DCC: variants seen among roughly 807,000 people sequenced by gnomAD.
DCC encodes the protein netrin receptor DCC.
In DCC, 58 loss-of-function variants were observed where a neutral mutation model predicts 172.5. The ratio of observed to expected loss-of-function variants is 0.34; its 90% CI spans 0.27 to 0.42. The LOEUF is 0.42. DCC is among the 10% of genes least tolerant of loss of function. The probability of loss-of-function intolerance (pLI) is 1.00; values close to 1 mark genes in which losing one functional copy is unlikely to be tolerated. For missense variants in DCC, 1,740 were observed against 1,791.0 expected (o/e 0.97, Z 0.51); for synonymous variants, 709 against 644.5 (o/e 1.10, Z -1.52).
intron 23 of DCC, among the ~76,000 whole-genome samples, chr18:53,458,456 T>C (rs1245131435): frequency 6.6e-6 from 1 of 152,202 alleles, no homozygotes; most frequent in Non-Finnish European, 1.5e-5. Context: ...CCCCCTGCTG[T>C]AGAGAATGAC....
intron 12 of DCC, among the ~76,000 whole-genome samples, chr18:53,265,844 C>G (rs1026145429): frequency 1.3e-5 from 2 of 152,062 alleles, no homozygotes; most frequent in Non-Finnish European, 2.9e-5. Flanking sequence ...GCTACTATCC[C>G]CTGAAGTTTA....
At chr18:52,446,079 C>T (rs1453334401) in intron 1 of DCC, among the ~76,000 whole-genome samples, 1 of 152,116 alleles carries the variant, frequency 6.6e-6, no homozygotes, top group Non-Finnish European at 1.5e-5. Flanking sequence ...ACTACAGGCG[C>T]CCGCCACCGC....
intron 1 of DCC, among the ~76,000 whole-genome samples, chr18:52,664,128 A>G (rs1048596500): frequency 6.6e-6 from 1 of 152,222 alleles, no homozygotes; most frequent in African/African-American, 2.4e-5. Flanking sequence ...GACATTTACT[A>G]TGGACATGTA....
At chr18:52,432,636 T>C (rs1028521211) in intron 1 of DCC, among the ~76,000 whole-genome samples, 4 of 152,200 alleles carry the variant, frequency 2.6e-5, no homozygotes, top group Non-Finnish European at 4.4e-5. Flanking sequence ...TTTGCATAAA[T>C]GGTTCTTTAA....
intron 2 of DCC, among the ~76,000 whole-genome samples, chr18:52,789,965 A>G (rs1035048500): frequency 1.3e-5 from 2 of 152,184 alleles, no homozygotes; most frequent in South Asian, 4.2e-4. Flanking sequence ...CAAAATTTTG[A>G]CCCTCCCTTA....
chr18:53,206,333 ATATAT>A, intron 10 of DCC, among the ~76,000 whole-genome samples: 1 of 52,354 alleles, frequency 1.9e-5, no homozygotes, highest in East Asian at 3.7e-4. Flanking sequence ...ATTGTAACAC[ATATAT>A]GTATATATGT....
chr18:52,526,771 AT>A (rs1287677902), intron 1 of DCC, among the ~76,000 whole-genome samples: 13 of 152,128 alleles, frequency 8.5e-5, no homozygotes, highest in African/African-American at 3.1e-4. Flanking sequence ...AAGTTGATAG[AT>A]TTTCTGCCTG....
intron 22 of DCC, among the ~76,000 whole-genome samples, chr18:53,445,823 T>G (rs1568136622): frequency 6.6e-6 from 1 of 152,030 alleles, no homozygotes; most frequent in Non-Finnish European, 1.5e-5. Context: ...GTAAAAAATG[T>G]GACACCCTTA....
chr18:53,057,853 T>A lies in DCC; in HGVS notation c.986-5452T>A, dbSNP rs185410071. Among the ~76,000 whole-genome samples, 15 of 152,166 alleles carry A rather than the reference T, an allele frequency of 9.9e-5. No individual in the cohort carries two copies. In the East Asian group the frequency reaches 2.9e-3, roughly 29 times the overall value. On this transcript the variant is annotated intron_variant, in intron 5 of 28. Coordinates refer to ENST00000442544, the MANE Select transcript of DCC (RefSeq NM_005215.4). ...ATTTAAAAAACAAACAAACATATGC[T>A]TCAGGCTCCATCTTTAAGAACCTTA... is the stretch of plus-strand genomic sequence containing the variant.
At chr18:53,500,463 AACTT>A (rs1177844955) in intron 27 of DCC, among the ~76,000 whole-genome samples, 1 of 152,142 alleles carries the variant, frequency 6.6e-6, no homozygotes, top group Non-Finnish European at 1.5e-5. Flanking sequence ...ACATTTGACT[AACTT>A]TTCTGTTACT....
At chr18:52,346,032 GA>G (rs1343611887) in intron 1 of DCC, among the ~76,000 whole-genome samples, 1 of 152,134 alleles carries the variant, frequency 6.6e-6, no homozygotes, top group Non-Finnish European at 1.5e-5. Context: ...CTTTTCAGAG[GA>G]AAAAACATTT....
intron 2 of DCC, among the ~76,000 whole-genome samples, chr18:52,852,258 C>T (rs1216209125): frequency 6.6e-6 from 1 of 152,070 alleles, no homozygotes; most frequent in Non-Finnish European, 1.5e-5. Flanking sequence ...AATATACTCT[C>T]TAGCTATCAT....
intron 23 of DCC, among the ~76,000 whole-genome samples, chr18:53,457,152 A>G (rs73957237): frequency 0.029 from 4,376 of 152,290 alleles, 228 homozygotes; most frequent in African/African-American, 0.099. Context: ...TCTGATTAAA[A>G]TCCAGCAGAA....
In DCC at chr18:53,467,658, T is replaced by A. The variant is rs1011488736; in HGVS notation, c.3620-236T>A. 3.9e-4 allele frequency among the ~76,000 whole-genome samples: 60 copies of A among 152,188 alleles called. 1 individual carries two copies. The highest frequency in any genetic ancestry group is 1.3e-3 in the African/African-American group (55 of 41,450). On this transcript the variant is annotated intron_variant, in intron 24 of 28. Coordinates refer to ENST00000442544, the MANE Select transcript of DCC (RefSeq NM_005215.4). Reference sequence around the variant, plus strand: ...TCCCACTTTCACATGTATAAACATATGCAAAAATTATAAGCATCAAAATAT... The same window carrying A: ...TCCCACTTTCACATGTATAAACATAAGCAAAAATTATAAGCATCAAAATAT...
intron 2 of DCC, among the ~76,000 whole-genome samples, chr18:52,776,284 C>T (rs2037430658): frequency 1.3e-5 from 2 of 150,484 alleles, no homozygotes; most frequent in Non-Finnish European, 3.0e-5. Flanking sequence ...AAAGAAACTC[C>T]AAAAGAAGAA....
At chr18:53,163,950 A>C (rs1244342659) in intron 8 of DCC, among the ~76,000 whole-genome samples, 1 of 152,144 alleles carries the variant, frequency 6.6e-6, no homozygotes, top group Non-Finnish European at 1.5e-5. Context: ...ATCTTACATA[A>C]AGTATGTTTA....
intron 5 of DCC, among the ~76,000 whole-genome samples, chr18:52,975,873 C>A (rs751698206): frequency 6.6e-6 from 1 of 152,132 alleles, no homozygotes; most frequent in Non-Finnish European, 1.5e-5. Context: ...GGTATATACG[C>A]AGTAGTAGGA....
chr18:53,379,598 G>C (rs1178393740), intron 15 of DCC, among the ~76,000 whole-genome samples: 7 of 152,112 alleles, frequency 4.6e-5, no homozygotes, highest in Non-Finnish European at 7.3e-5. Flanking sequence ...AGTCTCAGGG[G>C]AAGGAGAACC....
intron 9 of DCC, among the ~76,000 whole-genome samples, chr18:53,182,426 G>A (rs1193780559): frequency 6.6e-6 from 1 of 152,118 alleles, no homozygotes; most frequent in Non-Finnish European, 1.5e-5. Flanking sequence ...CATTGCCACT[G>A]GATAATTCCT....
Sources: allele counts gnomAD v4.1 joint callset (sites outside exome capture counted in the v4.1 genomes callset), GRCh38; gene constraint gnomAD v4.1.1; transcripts MANE v1.5; gene names NCBI Gene and HGNC (gene_info 2026-07-23, HGNC 2026-07-21).